The following JARID2 variants were observed in gnomAD, a reference collection of about 807,000 sequenced individuals.
The protein encoded by JARID2 is protein Jumonji.
A neutral mutation model predicts 125.6 loss-of-function variants in JARID2; 21 were observed. That is an observed-to-expected ratio of 0.17 (90% confidence interval 0.12 to 0.24). JARID2 has a LOEUF of 0.24. Among genes scored for constraint, JARID2 ranks in the 10% least tolerant of loss-of-function variants. JARID2 has a pLI of 1.00. For missense variants in JARID2, 1,303 were observed against 1,639.6 expected, an observed-to-expected ratio of 0.79 and a Z score of 3.55; for synonymous variants, 736 against 661.6, an observed-to-expected ratio of 1.11 and a Z score of -1.73.
chr6:15,361,819 G>T (rs1288011193), intron 1 of JARID2, among the ~76,000 whole-genome samples: 1 of 151,886 alleles, frequency 6.6e-6, no homozygotes, highest in African/African-American at 2.4e-5. Context: ...TGTTTAGGTA[G>T]CTGAAACAAT....
At chr6:15,513,162 G>A (rs1581669561) in intron 15 of JARID2, 77 bp from the exon 16 acceptor site, 2 of 1,505,326 alleles carry the variant, frequency 1.3e-6, no homozygotes, top group Middle Eastern at 2.3e-4. Context: ...AGGCCGGTGT[G>A]GGGTGCGTGT....
intron 1 of JARID2, among the ~76,000 whole-genome samples, chr6:15,261,336 A>T (rs2127324344): frequency 8.5e-6 from 1 of 117,186 alleles, no homozygotes; most frequent in Non-Finnish European, 1.7e-5. Context: ...TTTTTTTGAG[A>T]CGGAGTCTTG....
At chr6:15,308,130 C>T (rs1023327332) in intron 1 of JARID2, among the ~76,000 whole-genome samples, 5 of 152,222 alleles carry the variant, frequency 3.3e-5, no homozygotes, top group African/African-American at 1.2e-4. Flanking sequence ...TTCTAGTCCT[C>T]TTCCTTAATC....
chr6:15,365,754 A>G (rs1469372545), intron 1 of JARID2, among the ~76,000 whole-genome samples: 1 of 152,146 alleles, frequency 6.6e-6, no homozygotes, highest in Non-Finnish European at 1.5e-5. Context: ...GTCTGTCTGA[A>G]GAAATTTGCT....
intron 1 of JARID2, among the ~76,000 whole-genome samples, chr6:15,273,779 TA>T (rs911296732): frequency 1.3e-5 from 2 of 152,112 alleles, no homozygotes; most frequent in African/African-American, 4.8e-5. Flanking sequence ...CGAAATGTTG[TA>T]AATTAGTAGG....
intron 4 of JARID2, among the ~76,000 whole-genome samples, chr6:15,468,203 A>G (rs1768838975): frequency 7.0e-6 from 1 of 143,588 alleles, no homozygotes; most frequent in East Asian, 2.0e-4. Context: ...ATTAATTTAG[A>G]GTAATCTCTC....
chr6:15,517,393 A>AG, intron 17 of JARID2, 125 bp downstream of exon 17: 1 of 686,044 alleles, frequency 1.5e-6, no homozygotes, highest in Non-Finnish European at 2.6e-6. Flanking sequence ...TGCAGGCCTG[A>AG]GGTGCCCTGT....
chr6:15,280,598 A>G (rs1286941614), intron 1 of JARID2, among the ~76,000 whole-genome samples: 1 of 150,486 alleles, frequency 6.6e-6, no homozygotes, highest in African/African-American at 2.4e-5. Flanking sequence ...CAAAATGCTA[A>G]GTAAAGGTAA....
chr6:15,296,884 T>C (rs1761435351), intron 1 of JARID2, among the ~76,000 whole-genome samples: 1 of 152,200 alleles, frequency 6.6e-6, no homozygotes, highest in South Asian at 2.1e-4. Context: ...TCATTTTCCA[T>C]TTTGGTTTCC....
In JARID2 at chr6:15,496,821, C is replaced by A. The variant is rs569790839; in HGVS notation, c.1596C>A (p.Ser532=). ...CENRSTSQPE[S]VHKPQDSGKA... is the part of the protein sequence containing the mutation. Reference sequence around the variant, plus strand: ...ATCGTTCTACCTCGCAACCGGAGTCCGTGCACAAGCCGCAGGACTCGGGCA... The same window carrying A: ...ATCGTTCTACCTCGCAACCGGAGTCAGTGCACAAGCCGCAGGACTCGGGCA... Residue 532 remains serine, a synonymous_variant, in exon 7 of 18, where the codon TCC becomes TCA. Coordinates refer to ENST00000341776, the MANE Select transcript of JARID2 (RefSeq NM_004973.4). 6.2e-7 allele frequency: 1 copy of A among 1,602,742 alleles called. No individual in the cohort carries two copies. The highest frequency in any genetic ancestry group is 1.7e-5 in the Admixed American group (1 of 59,364).
intron 5 of JARID2, among the ~76,000 whole-genome samples, chr6:15,469,091 TATC>T (rs1324014025): frequency 6.6e-6 from 1 of 151,974 alleles, no homozygotes; most frequent in African/African-American, 2.4e-5. Context: ...GGAAGAAAAT[TATC>T]ATTCCTCCTA....
At position 15,521,879 on chromosome 6, in the gene JARID2, G is replaced by A. The variant is rs1771875294; in HGVS notation, c.*1628G>A. ...TTTTTGACAGTAAACTTCTGCCTAT[G>A]GCTTACAGTTTGACATTTAATTTAT... On this transcript the variant is annotated 3_prime_UTR_variant, in exon 18 of 18. Coordinates refer to ENST00000341776, the MANE Select transcript of JARID2 (RefSeq NM_004973.4). 2.0e-5 allele frequency: 3 copies of A among 152,186 alleles called. No homozygotes were observed. The South Asian group carries it at 6.2e-4, about 31-fold the overall frequency. 9.4% of individuals were successfully genotyped at this position (152,186 alleles called of 1,614,324 possible).
intron 1 of JARID2, among the ~76,000 whole-genome samples, chr6:15,313,133 T>G (rs1200337027): frequency 6.6e-6 from 1 of 152,208 alleles, no homozygotes; most frequent in Non-Finnish European, 1.5e-5. Flanking sequence ...GAGCTTTTTT[T>G]ACATTACACC....
chr6:15,412,176 C>T (rs1020997562), intron 3 of JARID2, among the ~76,000 whole-genome samples: 2 of 152,198 alleles, frequency 1.3e-5, no homozygotes, highest in Non-Finnish European at 1.5e-5. Context: ...GTTCTGGTCT[C>T]ATCAAGGTTT....
chr6:15,249,465 T>C (rs1221928260), intron 1 of JARID2, among the ~76,000 whole-genome samples: 1 of 152,226 alleles, frequency 6.6e-6, no homozygotes, highest in Non-Finnish European at 1.5e-5. Context: ...CTCAAGGTGC[T>C]CTGGGCTTAG....
At chr6:15,248,007 A>G (rs1175787087) in intron 1 of JARID2, 1 of 985,252 alleles carries the variant, frequency 1.0e-6, no homozygotes, top group Non-Finnish European at 1.2e-6. Context: ...CTTGGACGAG[A>G]ACCGCACCCC....
intron 3 of JARID2, among the ~76,000 whole-genome samples, chr6:15,450,379 A>T (rs947085679): frequency 9.2e-5 from 14 of 152,128 alleles, no homozygotes; most frequent in African/African-American, 3.4e-4. Context: ...CACCTTGGCC[A>T]GGCTGGTCTG....
chr6:15,459,247 C>A (rs1344212719), intron 4 of JARID2, among the ~76,000 whole-genome samples: 1 of 152,164 alleles, frequency 6.6e-6, no homozygotes, highest in Non-Finnish European at 1.5e-5. Context: ...TATGGACCTC[C>A]TTTTGATACC....
intron 1 of JARID2, chr6:15,248,055 G>A: frequency 1.0e-6 from 1 of 985,388 alleles, no homozygotes; most frequent in Non-Finnish European, 1.2e-6. Flanking sequence ...GGAGAGCAGC[G>A]TGGGGTGGGT....
Sources: gnomAD v4.1 joint callset for allele counts (sites outside exome capture counted in the v4.1 genomes callset) on GRCh38, gnomAD v4.1.1 for gene constraint, MANE v1.5 for transcripts, NCBI Gene and HGNC (gene_info 2026-07-23, HGNC 2026-07-21) for gene names.